The following TUT7 variants were observed in gnomAD, a reference collection of about 807,000 sequenced individuals.
TUT7 encodes the protein terminal uridylyl transferase 7.
A neutral mutation model predicts 165.9 loss-of-function variants in TUT7; 33 were observed. That is an observed-to-expected ratio of 0.20 (90% CI 0.15 to 0.27). The LOEUF (loss-of-function observed/expected upper bound fraction) is 0.27, where lower values mean the gene tolerates loss of function less well. TUT7 is among the 10% of genes least tolerant of loss of function. TUT7 has a pLI of 1.00. For synonymous variants in TUT7, 552 were observed against 608.1 expected (o/e 0.91, Z 1.36); for missense variants, 1,338 against 1,762.3 (o/e 0.76, Z 4.31).
At position 86,337,494 on chromosome 9, in the gene TUT7, A is replaced by G. The variant is rs1830904895; in HGVS notation, c.1380T>C (p.Tyr460=). 6.2e-7 allele frequency: 1 copy of G among 1,613,834 alleles called. No homozygotes were observed. The highest frequency in any genetic ancestry group is 1.7e-5 in the Admixed American group (1 of 59,990). Residue 460 remains tyrosine, a synonymous_variant, in exon 10 of 27, where the codon TAT becomes TAC. Transcript: ENST00000375963. ...AGAAAATGGCCATCAGGGCAAACACATAAGGTGGCAGACCTCCTTCTTCAG... is the reference window on the plus strand; with the variant it reads ...AGAAAATGGCCATCAGGGCAAACACGTAAGGTGGCAGACCTCCTTCTTCAG... ...DRPEEGGLPP[Y]VFALMAIFFL... is the part of the protein sequence containing the mutation.
At chr9:86,319,176 A>C in intron 15 of TUT7, 118 bp from the exon 16 acceptor site, 2 of 642,394 alleles carry the variant, frequency 3.1e-6, no homozygotes, top group Non-Finnish European at 5.2e-6. Flanking sequence ...TATTAATCTC[A>C]TACTTATGTT....
chr9:86,319,455 G>A (rs550969392), intron 15 of TUT7, 129 bp downstream of exon 15: 2 of 665,438 alleles, frequency 3.0e-6, no homozygotes, highest in East Asian at 2.8e-5. Context: ...GGCAGACCAA[G>A]GACCATCCTG....
chr9:86,316,795 T>C (rs1235126867), intron 17 of TUT7, among the ~76,000 whole-genome samples: 2 of 152,070 alleles, frequency 1.3e-5, no homozygotes, highest in African/African-American at 4.8e-5. Context: ...ATTAATAAAC[T>C]CTAAATACAA....
chr9:86,308,560 T>C lies in TUT7; in HGVS notation c.3707A>G (p.Gln1236Arg). 6.2e-7 allele frequency: 1 copy of C among 1,613,836 alleles called. No individual in the cohort carries two copies. The highest frequency in any genetic ancestry group is 1.7e-5 in the Admixed American group (1 of 59,970). The change falls in exon 22 of 27, where the codon CAG becomes CGG. Residue 1236 changes from glutamine to arginine, a missense_variant. Transcript: ENST00000375963. ...GAAACGAAGAAGGCCCAACCATAAC[T>C]GCCCAACAGATTCTGTATTTTTTCC... ...ECGKNTESVGQLWLGLLRFYT... is the reference protein window; with the variant it reads ...ECGKNTESVGRLWLGLLRFYT...
chr9:86,301,416 A>G lies in TUT7; in HGVS notation c.4280T>C (p.Leu1427Pro). The G allele has an allele frequency of 6.2e-7, 1 of 1,614,094 alleles. No individual in the cohort carries two copies. Among genetic ancestry groups the G allele is most frequent in the Non-Finnish European group, 8.5e-7 (1 of 1,179,996 alleles). The part of the protein sequence containing the change: ...KAKPMRAAAD[L>P]GREKILRPPV... ...TGGCCTGAGGATCTTCTCCCTCCCCAGGTCAGCAGCTGCCCGCATTGGCTT... is the reference window on the plus strand; with the variant it reads ...TGGCCTGAGGATCTTCTCCCTCCCCGGGTCAGCAGCTGCCCGCATTGGCTT... Residue 1427 changes from leucine (L) to proline (P), a missense_variant, in exon 26 of 27, where the codon CTG becomes CCG. Coordinates refer to ENST00000375963, the MANE Select transcript of TUT7 (RefSeq NM_024617.4).
At chr9:86,331,920 C>T (rs1830353833) in intron 10 of TUT7, among the ~76,000 whole-genome samples, 1 of 151,930 alleles carries the variant, frequency 6.6e-6, no homozygotes, top group Non-Finnish European at 1.5e-5. Context: ...AAAAATAACC[C>T]CATTAAAAAG....
intron 16 of TUT7, among the ~76,000 whole-genome samples, chr9:86,317,968 G>A (rs1828884435): frequency 6.6e-6 from 1 of 152,104 alleles, no homozygotes; most frequent in Non-Finnish European, 1.5e-5. Flanking sequence ...GTATGATAGG[G>A]TCATTCCATA....
rs143293008 is a variant in TUT7, at chr9:86,308,459, G to C, written c.3808C>G (p.Gln1270Glu). ...ATAACAATGTATTTTGAGGTCCACT[G>C]TTTCTTAAAAGTTGTAAGCAGACTT... ...RKSLLTTFKK[Q>E]WTSKYIVIED... The change falls in exon 22 of 27, where the codon CAG (glutamine) becomes GAG (glutamate). Residue 1270 changes from glutamine to glutamate, a missense_variant. This residue lies in a region of TUT7 where 157 missense variants were observed against 357.5 expected (regional missense o/e 0.44). Coordinates refer to ENST00000375963, the MANE Select transcript of TUT7 (RefSeq NM_024617.4). 1 of 1,613,264 alleles carries C rather than the reference G, an allele frequency of 6.2e-7. No individual in the cohort carries two copies. The highest frequency in any genetic ancestry group is 8.5e-7 in the Non-Finnish European group (1 of 1,179,776).
At chr9:86,350,348 TAATAA>T (rs1185779741) in intron 2 of TUT7, among the ~76,000 whole-genome samples, 1 of 152,010 alleles carries the variant, frequency 6.6e-6, no homozygotes, top group Non-Finnish European at 1.5e-5. Flanking sequence ...AGAATAATAA[TAATAA>T]AATGAAATGG....
chr9:86,325,160 T>G (rs1378740482), intron 12 of TUT7, among the ~76,000 whole-genome samples, 174 bp downstream of exon 12: 3 of 152,222 alleles, frequency 2.0e-5, no homozygotes, highest in Non-Finnish European at 4.4e-5. Flanking sequence ...ACAGTTTGAT[T>G]CCTTGAAATG....
intron 24 of TUT7, 43 bp downstream of exon 24, chr9:86,304,813 C>CT (rs755338520): frequency 2.3e-5 from 32 of 1,406,498 alleles, no homozygotes; most frequent in Non-Finnish European, 2.6e-5. Flanking sequence ...AAATTAGGCA[C>CT]TTTTTTTTAT....
chr9:86,334,251 T>C (rs1214912312), intron 10 of TUT7, among the ~76,000 whole-genome samples: 1 of 152,114 alleles, frequency 6.6e-6, no homozygotes, highest in Non-Finnish European at 1.5e-5. Flanking sequence ...TGGGCATTAT[T>C]TCTAAATGGC....
chr9:86,303,151 A>C lies in TUT7; in HGVS notation c.4029T>G (p.Asn1343Lys), dbSNP rs1296217626. 3 of 1,611,206 alleles carry C rather than the reference A, an allele frequency of 1.9e-6. No homozygotes were observed. The African/African-American group carries it at 4.0e-5, about 22-fold the overall frequency. The change falls in exon 25 of 27, where the codon AAT (asparagine) becomes AAG (lysine). Residue 1343 changes from asparagine (N) to lysine (K), a missense_variant. By Grantham distance (94) the Asn-to-Lys change is moderately conservative. Coordinates refer to ENST00000375963, the MANE Select transcript of TUT7 (RefSeq NM_024617.4). ...DVLTEGELAP[N>K]DRCCRICGKI... is the part of the protein sequence containing the mutation. Reference sequence around the variant, plus strand: ...TTCCACAAATTCGACAACATCTATCATTTGGGGCCAGCTCTCCTTCAGTTA... The same window carrying C: ...TTCCACAAATTCGACAACATCTATCCTTTGGGGCCAGCTCTCCTTCAGTTA...
At chr9:86,302,878 G>C (rs1827076929) in intron 25 of TUT7, among the ~76,000 whole-genome samples, 1 of 152,132 alleles carries the variant, frequency 6.6e-6, no homozygotes, top group African/African-American at 2.4e-5. Context: ...CAAAGTGCTG[G>C]GATTACAGGC....
At chr9:86,305,803 TG>T (rs1412059363) in intron 22 of TUT7, among the ~76,000 whole-genome samples, 3 of 152,142 alleles carry the variant, frequency 2.0e-5, no homozygotes, top group African/African-American at 7.2e-5. Context: ...ATTGGCTACC[TG>T]GATCTTGGGA....
At chr9:86,329,724 T>G (rs1830129905) in intron 10 of TUT7, among the ~76,000 whole-genome samples, 1 of 152,182 alleles carries the variant, frequency 6.6e-6, no homozygotes, top group African/African-American at 2.4e-5. Flanking sequence ...TCACTCTAGA[T>G]GAAGTGCAGT....
intron 12 of TUT7, among the ~76,000 whole-genome samples, chr9:86,325,082 T>C (rs1021817850): frequency 6.6e-6 from 1 of 152,208 alleles, no homozygotes; most frequent in Non-Finnish European, 1.5e-5. Flanking sequence ...GGTTAAGCAA[T>C]CTACAAAGAA....
intron 2 of TUT7, among the ~76,000 whole-genome samples, chr9:86,350,263 G>A (rs1252431470): frequency 6.6e-6 from 1 of 152,118 alleles, no homozygotes; most frequent in Non-Finnish European, 1.5e-5. Flanking sequence ...CCTGGGAGAT[G>A]GAGGTTGCAG....
chr9:86,297,956 A>G (rs983241694), intron 26 of TUT7, among the ~76,000 whole-genome samples: 2 of 87,962 alleles, frequency 2.3e-5, no homozygotes, highest in Non-Finnish European at 4.1e-5. Context: ...CTGTCTCTCG[A>G]GTTTCCAATC....
Sources: allele counts gnomAD v4.1 joint callset (sites outside exome capture counted in the v4.1 genomes callset), GRCh38; gene constraint gnomAD v4.1.1; regional missense constraint gnomAD v4.1.1; transcripts MANE v1.5; gene names NCBI Gene and HGNC (gene_info 2026-07-23, HGNC 2026-07-21).